The following ATP13A2 variants were observed in gnomAD, a reference collection of about 807,000 sequenced individuals.
ATP13A2 encodes ATPase cation transporting 13A2, also known as polyamine-transporting ATPase 13A2.
In ATP13A2, 83 loss-of-function variants were observed where a neutral mutation model predicts 138.3. The observed-to-expected ratio is 0.60, with a 90% CI of 0.50 to 0.72. The LOEUF is 0.72. Among genes scored for constraint, ATP13A2 ranks in the 30% least tolerant of loss-of-function variants. The pLI is 0.00. For missense variants in ATP13A2, 1,402 were observed against 1,606.4 expected (o/e 0.87, Z 2.17); for synonymous variants, 663 against 699.0 (o/e 0.95, Z 0.81).
At chr1:17,007,673 T>A (rs1241898330) in intron 1 of ATP13A2, among the ~76,000 whole-genome samples, 2 of 148,946 alleles carry the variant, frequency 1.3e-5, no homozygotes, top group East Asian at 4.1e-4. Context: ...TGCCTCAGCC[T>A]CCCAAGTAGC....
Position 16,986,625 on chromosome 1 carries a change from G to C in ATP13A2, c.3243C>G (p.Phe1081Leu). ...AGCTCAGGAGCGCCAGGGCCACCAG[G>C]AAGGGCACTGGGAGCAGGAGAGTCT... ...FRRPLYTNVP[F>L]LVALALLSSV... Residue 1081 changes from phenylalanine to leucine, a missense_variant, in exon 28 of 29, where the codon TTC (phenylalanine) becomes TTG (leucine). Phe to Leu is a conservative substitution (Grantham distance 22). Transcript: ENST00000326735. This position sits in a 1 kb window ranked among gnomAD's most constrained non-coding sequence, Gnocchi z 6.9. 1.2e-6 allele frequency: 2 copies of C among 1,608,252 alleles called. No individual in the cohort carries two copies. Among genetic ancestry groups the C allele is most frequent in the African/African-American group, 1.3e-5 (1 of 74,950 alleles).
rs547860186 is a variant in ATP13A2, at chr1:16,986,235, C to A, written c.3529G>T (p.Gly1177Cys). ...AEQPWPPLPAGPLR is the reference protein window; with the variant it reads ...AEQPWPPLPACPLR Reference sequence around the variant, plus strand: ...GTGGGCCTGCACTACCTCAGGGGGCCGGCGGGCAGCGGCGGCCAGGGCTGC... The same window carrying A: ...GTGGGCCTGCACTACCTCAGGGGGCAGGCGGGCAGCGGCGGCCAGGGCTGC... The change falls in exon 29 of 29, where the codon GGC becomes TGC. Residue 1177 changes from glycine to cysteine, a missense_variant. By Grantham distance (159) the Gly-to-Cys change is radical. Transcript: ENST00000326735. This position sits in a 1 kb window ranked among gnomAD's most constrained non-coding sequence, Gnocchi z 6.9. The A allele has an allele frequency of 6.2e-7, 1 of 1,610,278 alleles. No homozygotes were observed. The highest frequency in any genetic ancestry group is 1.1e-5 in the South Asian group (1 of 90,420).
Position 16,986,292 on chromosome 1 carries a change from G to T in ATP13A2, c.3472C>A (p.Arg1158Ser), listed in dbSNP as rs201610681. 6.2e-7 allele frequency: 1 copy of T among 1,601,324 alleles called. No individual in the cohort carries two copies. The highest frequency in any genetic ancestry group is 1.7e-5 in the Admixed American group (1 of 57,746). The part of the protein sequence containing the change: ...RLRPKRASKK[R>S]FKQLERELAE... ...AGCTCTCGTTCCAGCTGCTTGAAGC[G>T]CTTCTTGGAGGCCCGCTTGGGCCGG... The change falls in exon 29 of 29, where the codon CGC becomes AGC. Residue 1158 changes from arginine to serine, a missense_variant. Physicochemically the swap from Arg to Ser is moderately radical, Grantham distance 110. Coordinates refer to ENST00000326735, the MANE Select transcript of ATP13A2 (RefSeq NM_022089.4). The surrounding 1 kb of genome is among the most constrained non-coding windows in gnomAD (Gnocchi z 6.9).
chr1:16,986,855 G>C lies in ATP13A2; in HGVS notation c.3185C>G (p.Ala1062Gly). The C allele has an allele frequency of 6.8e-6, 11 of 1,614,010 alleles. No individual in the cohort carries two copies. The highest frequency in any genetic ancestry group is 9.3e-6 in the Non-Finnish European group (11 of 1,179,986). The change falls in exon 27 of 29, where the codon GCT becomes GGT. Residue 1062 changes from alanine (A) to glycine (G), a missense_variant. Transcript: ENST00000326735. The surrounding 1 kb of genome is among the most constrained non-coding windows in gnomAD (Gnocchi z 6.9). ...GGGCGCCCCCTTGGACACGGCTGCA[G>C]CCAGGATGAGGTACTGGAAGCTGGA... ...SLSSFQYLIL[A>G]AAVSKGAPFR... is the part of the protein sequence containing the mutation.
chr1:17,009,195 C>A (rs1441359712), intron 1 of ATP13A2, among the ~76,000 whole-genome samples: 1 of 152,130 alleles, frequency 6.6e-6, no homozygotes, highest in African/African-American at 2.4e-5. Context: ...CACATCTACT[C>A]CTGACATTCC....
At chr1:16,989,344 T>C (rs962507825) in intron 23 of ATP13A2, among the ~76,000 whole-genome samples, 1 of 147,044 alleles carries the variant, frequency 6.8e-6, no homozygotes, top group Non-Finnish European at 1.5e-5. Flanking sequence ...CTTGAGTAGC[T>C]GGGATGACCG....
At chr1:17,007,719 T>G (rs1255685362) in intron 1 of ATP13A2, among the ~76,000 whole-genome samples, 1 of 151,738 alleles carries the variant, frequency 6.6e-6, no homozygotes, top group African/African-American at 2.4e-5. Context: ...GCCCGGCTAA[T>G]TTTTTGTATT....
Position 16,986,403 on chromosome 1 carries a change from G to A in ATP13A2, c.3406-45C>T. 1 of 1,600,376 alleles carries A rather than the reference G, an allele frequency of 6.2e-7. No individual in the cohort carries two copies. Among genetic ancestry groups the A allele is most frequent in the Non-Finnish European group, 8.5e-7 (1 of 1,176,120 alleles). On this transcript the variant is annotated intron_variant, in intron 28 of 28. Transcript: ENST00000326735. This position sits in a 1 kb window ranked among gnomAD's most constrained non-coding sequence, Gnocchi z 6.9. The stretch of plus-strand genomic sequence containing the variant: ...TGTCAGGGGCAGCCGGGGCTGAGCT[G>A]GGGTCAATGCACCCCCACCTCCCTT...
intron 23 of ATP13A2, 47 bp downstream of exon 23, chr1:16,989,644 G>A (rs1317616863): frequency 6.3e-7 from 1 of 1,588,636 alleles, no homozygotes; most frequent in Non-Finnish European, 8.6e-7. Context: ...GAACGGACAA[G>A]CTCAGTCTCC....
rs781173666 is a variant in ATP13A2 at position 16,987,116 on chromosome 1, G to A, written c.3013C>T (p.Leu1005=). 3.7e-6 allele frequency: 6 copies of A among 1,613,456 alleles called. No individual in the cohort carries two copies. In the South Asian group the frequency reaches 6.6e-5, roughly 18 times the overall value. Residue 1005 remains leucine, a synonymous_variant, in exon 26 of 29, where the codon CTG becomes TTG. Transcript: ENST00000326735. The part of the protein sequence containing the change: ...ALLSVPVLSS[L]LLQMVLVTGV... ...GTCACCAGGACCATCTGCAGCAGCA[G>A]GCTGCTGAGCACGGGCACGCTGAGC...
chr1:16,990,957 T>TC (rs1304930820), intron 20 of ATP13A2, among the ~76,000 whole-genome samples: 1 of 143,444 alleles, frequency 7.0e-6, no homozygotes, highest in Non-Finnish European at 1.5e-5. Context: ...AGCTAGAATC[T>TC]TTTTTTTTTT....
At chr1:16,994,197 C>CTCTCTCTCATTT (rs762110883) in intron 15 of ATP13A2, among the ~76,000 whole-genome samples, 212 of 147,394 alleles carry the variant, frequency 1.4e-3, no homozygotes, top group African/African-American at 4.4e-3. Context: ...CTCTCTCTCT[C>CTCTCTCTCATTT]ATTTATTTAT....
chr1:16,992,606 G>A, intron 16 of ATP13A2, 25 bp from the exon 17 acceptor site: 1 of 1,612,626 alleles, frequency 6.2e-7, no homozygotes, highest in South Asian at 1.1e-5. Context: ...GGGAAGTTTG[G>A]TGTCTGGGGG....
At chr1:16,998,052 T>C (rs1054800621) in intron 11 of ATP13A2, among the ~76,000 whole-genome samples, 2 of 152,194 alleles carry the variant, frequency 1.3e-5, no homozygotes, top group Non-Finnish European at 2.9e-5. Context: ...GCTGGGACTA[T>C]TGAGCACCTA....
rs2076733539 is a variant in ATP13A2 at position 16,986,575 on chromosome 1, A to T, written c.3293T>A (p.Val1098Asp). 6.2e-7 allele frequency: 1 copy of T among 1,611,886 alleles called. No homozygotes were observed. Among genetic ancestry groups the T allele is most frequent in the Non-Finnish European group, 8.5e-7 (1 of 1,179,762 alleles). ...CAGCGGCCCCTGCAGGAGGCCGGGG[A>T]CCAGGACAAGGCCCACCAGGACGGA... ...LSSVLVGLVL[V>D]PGLLQGPLAL... Residue 1098 changes from valine (V) to aspartate (D), a missense_variant, in exon 28 of 29, where the codon GTC becomes GAC. Coordinates refer to ENST00000326735, the MANE Select transcript of ATP13A2 (RefSeq NM_022089.4). The surrounding 1 kb of genome is among the most constrained non-coding windows in gnomAD (Gnocchi z 6.9).
intron 14 of ATP13A2, 36 bp from the exon 15 acceptor site, chr1:16,996,200 G>T: frequency 6.2e-7 from 1 of 1,614,174 alleles, no homozygotes. Flanking sequence ...GCACCTGGCT[G>T]GTTGGCCCCT....
At position 16,992,485 on chromosome 1, in the gene ATP13A2, C is replaced by T. The variant is rs2076970587; in HGVS notation, c.1845+1G>A. ...CACCCAACAGGCCCCCCTCAGCTCA[C>T]CATTGCCTGCAGCTGGGGCTCCCAA... On this transcript the variant is annotated splice_donor_variant, in intron 17 of 28. Coordinates refer to ENST00000326735, the MANE Select transcript of ATP13A2 (RefSeq NM_022089.4). LOFTEE classifies it high-confidence loss of function. 1.9e-6 allele frequency: 3 copies of T among 1,614,000 alleles called. No homozygotes were observed. The highest frequency in any genetic ancestry group is 2.5e-6 in the Non-Finnish European group (3 of 1,180,006).
Position 16,993,690 on chromosome 1 carries a change from C to A in ATP13A2, c.1688G>T (p.Arg563Leu), listed in dbSNP as rs541385523. ...RALATCHALSRLQDTPVGDPM... is the reference protein window; with the variant it reads ...RALATCHALSLLQDTPVGDPM... ...GTCGCCCACGGGGGTGTCCTGGAGC[C>A]GGCTGAGGGCATGGCAGGTGGCCAG... is the stretch of plus-strand genomic sequence containing the variant. The change falls in exon 16 of 29, where the codon CGG becomes CTG. Residue 563 changes from arginine (R) to leucine (L), a missense_variant. Arg to Leu is a moderately radical substitution (Grantham distance 102). Coordinates refer to ENST00000326735, the MANE Select transcript of ATP13A2 (RefSeq NM_022089.4). 2 of 1,596,402 alleles carry A rather than the reference C, an allele frequency of 1.3e-6. No homozygotes were observed. The highest frequency in any genetic ancestry group is 1.7e-6 in the Non-Finnish European group (2 of 1,172,008).
chr1:17,002,010 G>A, intron 8 of ATP13A2, 24 bp downstream of exon 8: 2 of 1,601,424 alleles, frequency 1.2e-6, no homozygotes, highest in East Asian at 2.2e-5. Context: ...GCAGGGCTGG[G>A]GCAAGACCCA....
Sources: allele counts gnomAD v4.1 joint callset (sites outside exome capture counted in the v4.1 genomes callset), GRCh38; gene constraint gnomAD v4.1.1; non-coding constraint Gnocchi (gnomAD v3.1); transcripts MANE v1.5; gene names NCBI Gene and HGNC (gene_info 2026-07-23, HGNC 2026-07-21).